CBL: variants seen among roughly 807,000 people sequenced by gnomAD.
CBL encodes Cbl proto-oncogene, also known as E3 ubiquitin-protein ligase CBL.
Under a neutral mutation model 96.9 loss-of-function variants are expected in CBL, and 45 were observed. That is an observed-to-expected ratio of 0.46 (90% CI 0.37 to 0.60). CBL has a LOEUF of 0.60. Ranked by LOEUF, CBL falls within the 20% of genes least tolerant of loss-of-function variation. The pLI, the probability that CBL is intolerant of heterozygous loss-of-function variation, is 0.00. For synonymous variants in CBL, 420 were observed against 426.8 expected (o/e 0.98, Z 0.20); for missense variants, 1,024 against 1,143.5 (o/e 0.90, Z 1.51).
At chr11:119,279,524 C>T (rs182232713) in intron 9 of CBL, among the ~76,000 whole-genome samples, 19 of 151,344 alleles carry the variant, frequency 1.3e-4, no homozygotes, top group African/African-American at 3.9e-4. Flanking sequence ...TGATGGTGTA[C>T]GCCTGTAGTT....
At chr11:119,285,650 A>AT in intron 11 of CBL, 84 bp downstream of exon 11, 1 of 1,489,308 alleles carries the variant, frequency 6.7e-7, no homozygotes, top group Non-Finnish European at 9.2e-7. Flanking sequence ...AATCCCAGCA[A>AT]TTTGGGAGGC....
At chr11:119,287,707 G>A (rs965874516) in intron 11 of CBL, 145 bp from the exon 12 acceptor site, 1 of 691,020 alleles carries the variant, frequency 1.4e-6, no homozygotes, top group African/African-American at 1.8e-5. Context: ...AGGCCCCTAA[G>A]CGTTTGGTCA....
intron 12 of CBL, among the ~76,000 whole-genome samples, chr11:119,294,730 G>T (rs1470591748): frequency 6.6e-6 from 1 of 151,710 alleles, no homozygotes. Flanking sequence ...GGCAGAGGTT[G>T]CAGTGAGCCT....
chr11:119,224,078 C>T (rs930547365), intron 1 of CBL, among the ~76,000 whole-genome samples: 4 of 152,072 alleles, frequency 2.6e-5, no homozygotes, highest in African/African-American at 9.7e-5. Context: ...TTCAAAAGAT[C>T]TTGAGAAAAC....
Position 119,300,401 on chromosome 11 carries a change from C to T in CBL, c.*620C>T, listed in dbSNP as rs999912673. On this transcript the variant is annotated 3_prime_UTR_variant, in exon 16 of 16. Coordinates refer to ENST00000264033, the MANE Select transcript of CBL (RefSeq NM_005188.4). ...CACCTTCTGTCTGTTCTTTCCCCATCAACTCCTTCCTCATCCTTCTTGGTG... is the reference window on the plus strand; with the variant it reads ...CACCTTCTGTCTGTTCTTTCCCCATTAACTCCTTCCTCATCCTTCTTGGTG... The T allele has an allele frequency of 2.5e-6, 1 of 406,134 alleles. No individual in the cohort carries two copies. The highest frequency in any genetic ancestry group is 4.1e-5 in the Admixed American group (1 of 24,494). The allele number at this position is 406,134 out of a possible 1,614,324, so 25.2% of individuals were successfully genotyped here. A position where few individuals can be genotyped will look rare whatever the true frequency, so the allele number is the denominator to read the frequency against.
At chr11:119,287,737 A>G (rs1949994681) in intron 11 of CBL, 115 bp from the exon 12 acceptor site, 1 of 746,892 alleles carries the variant, frequency 1.3e-6, no homozygotes. Flanking sequence ...ACCCCTGGGC[A>G]TGGCATTGAG....
intron 9 of CBL, among the ~76,000 whole-genome samples, chr11:119,281,985 T>C (rs1949938563): frequency 6.6e-6 from 1 of 152,228 alleles, no homozygotes; most frequent in African/African-American, 2.4e-5. Flanking sequence ...TGATCACTTA[T>C]TTTCCATTTA....
At position 119,307,324 on chromosome 11, in the gene CBL, A is replaced by AATT. The variant is rs1242377925; in HGVS notation, c.*7545_*7547dup. On this transcript the variant is annotated 3_prime_UTR_variant, in exon 16 of 16. Coordinates refer to ENST00000264033, the MANE Select transcript of CBL (RefSeq NM_005188.4). ...AGTGTCCTAGCCTTCTGATGACATT[A>AATT]ATTACCTAGTTGTGTCGAGGAGTAT... The AATT allele has an allele frequency of 4.3e-6, 1 of 232,902 alleles. No individual in the cohort carries two copies. Among genetic ancestry groups the AATT allele is most frequent in the Non-Finnish European group, 8.5e-6 (1 of 117,666 alleles). 14.4% of individuals were successfully genotyped at this position (232,902 alleles called of 1,614,324 possible). A position where few individuals can be genotyped will look rare whatever the true frequency, so the allele number is the denominator to read the frequency against.
At chr11:119,230,316 C>G (rs911449139) in intron 1 of CBL, among the ~76,000 whole-genome samples, 2 of 152,060 alleles carry the variant, frequency 1.3e-5, no homozygotes, top group African/African-American at 4.8e-5. Flanking sequence ...CCACGCCCGG[C>G]TAATTTTTAG....
intron 12 of CBL, among the ~76,000 whole-genome samples, chr11:119,289,250 C>G (rs1950007265): frequency 6.6e-6 from 1 of 152,092 alleles, no homozygotes; most frequent in African/African-American, 2.4e-5. Context: ...TAAAATTTCT[C>G]TGCTATTGGA....
At chr11:119,254,246 G>A (rs904560370) in intron 2 of CBL, among the ~76,000 whole-genome samples, 1 of 152,100 alleles carries the variant, frequency 6.6e-6, no homozygotes, top group Non-Finnish European at 1.5e-5. Flanking sequence ...GTAAATTTTG[G>A]TAAGTATATT....
At chr11:119,219,477 G>A (rs796829908) in intron 1 of CBL, among the ~76,000 whole-genome samples, 6 of 152,182 alleles carry the variant, frequency 3.9e-5, no homozygotes, top group African/African-American at 1.4e-4. Flanking sequence ...TGGAGAAGGT[G>A]TTAAATTTGT....
chr11:119,268,820 A>G (rs1174056618), intron 2 of CBL, among the ~76,000 whole-genome samples: 3 of 152,246 alleles, frequency 2.0e-5, no homozygotes, highest in Non-Finnish European at 4.4e-5. Context: ...GTAGAATTCA[A>G]ACCTGTTTGC....
intron 7 of CBL, 46 bp from the exon 8 acceptor site, chr11:119,278,120 C>A: frequency 7.1e-7 from 1 of 1,407,706 alleles, no homozygotes; most frequent in Non-Finnish European, 9.9e-7. Context: ...TTTATAATTG[C>A]AGTTATTTAT....
intron 11 of CBL, among the ~76,000 whole-genome samples, chr11:119,286,657 C>A (rs1206984525): frequency 6.6e-6 from 1 of 151,798 alleles, no homozygotes; most frequent in Admixed American, 6.6e-5. Flanking sequence ...AGTTGAATAC[C>A]CTCTCCCAAA....
Position 119,306,970 on chromosome 11 carries a change from C to T in CBL, c.*7189C>T. 1 of 226,290 alleles carries T rather than the reference C, an allele frequency of 4.4e-6. No individual in the cohort carries two copies. The highest frequency in any genetic ancestry group is 8.8e-6 in the Non-Finnish European group (1 of 114,222). The allele number at this position is 226,290 out of a possible 1,614,324, so 14.0% of individuals were successfully genotyped here. A position where few individuals can be genotyped will look rare whatever the true frequency, so the allele number is the denominator to read the frequency against. On this transcript the variant is annotated 3_prime_UTR_variant, in exon 16 of 16. Transcript: ENST00000264033. Reference sequence around the variant, plus strand: ...AAAAAAAAAAGCCAAATGTTTTGTGCCTTTCTAAGGCAGCACTGTATCCCA... The same window carrying T: ...AAAAAAAAAAGCCAAATGTTTTGTGTCTTTCTAAGGCAGCACTGTATCCCA...
intron 9 of CBL, among the ~76,000 whole-genome samples, chr11:119,281,494 CT>C (rs34775460): frequency 0.28 from 34,835 of 125,400 alleles, 3,507 homozygotes; most frequent in African/African-American, 0.45. Flanking sequence ...CACCAAAAGC[CT>C]TTTTTTTTTT....
In CBL at chr11:119,304,964, C is replaced by T. The variant is rs376394251; in HGVS notation, c.*5183C>T. ...TTAAAAAAAACTACACTCAGCCCAG[C>T]ACATTGATCAAGTATCTATCTCTGA... On this transcript the variant is annotated 3_prime_UTR_variant, in exon 16 of 16. Transcript: ENST00000264033. 4 of 204,532 alleles carry T rather than the reference C, an allele frequency of 2.0e-5. No homozygotes were observed. In the East Asian group the frequency reaches 2.2e-4, roughly 11 times the overall value. 12.7% of individuals were successfully genotyped at this position (204,532 alleles called of 1,614,324 possible). A position where few individuals can be genotyped will look rare whatever the true frequency, so the allele number is the denominator to read the frequency against.
At chr11:119,288,589 T>C (rs1264501579) in intron 12 of CBL, among the ~76,000 whole-genome samples, 1 of 152,114 alleles carries the variant, frequency 6.6e-6, no homozygotes, top group Non-Finnish European at 1.5e-5. Context: ...ATTACATCCT[T>C]AGAGGCCCCA....
Sources: allele counts gnomAD v4.1 joint callset (sites outside exome capture counted in the v4.1 genomes callset), GRCh38; gene constraint gnomAD v4.1.1; transcripts MANE v1.5; gene names NCBI Gene and HGNC (gene_info 2026-07-23, HGNC 2026-07-21).